Variants in KIF21A observed in about 807,000 individuals in gnomAD.
KIF21A encodes kinesin family member 21A.
KIF21A carries 114 observed loss-of-function variants against 202.9 expected under a neutral mutation model. That is an observed-to-expected ratio of 0.56 (90% CI 0.48 to 0.66). The LOEUF is 0.66. Among genes scored for constraint, KIF21A ranks in the 30% least tolerant of loss-of-function variants. The pLI, the probability that KIF21A is intolerant of heterozygous loss-of-function variation, is 0.00. For missense variants in KIF21A, 1,677 were observed against 1,994.9 expected, an observed-to-expected ratio of 0.84 and a Z score of 3.04; for synonymous variants, 667 against 670.8, an observed-to-expected ratio of 0.99 and a Z score of 0.09.
intron 33 of KIF21A, 101 bp downstream of exon 33, chr12:39,309,485 A>G: frequency 3.5e-6 from 3 of 858,284 alleles, no homozygotes; most frequent in Non-Finnish European, 5.4e-6. Context: ...GTATACAAAA[A>G]TTAAAATGCA....
intron 36 of KIF21A, among the ~76,000 whole-genome samples, chr12:39,302,516 AT>A (rs1316990522): frequency 2.6e-5 from 4 of 152,216 alleles, no homozygotes; most frequent in Non-Finnish European, 4.4e-5. Context: ...CCCAACTATC[AT>A]TTTGTAGGAA....
At chr12:39,318,964 G>A (rs1022076012) in intron 28 of KIF21A, among the ~76,000 whole-genome samples, 1 of 150,314 alleles carries the variant, frequency 6.7e-6, no homozygotes, top group African/African-American at 2.5e-5. Flanking sequence ...CTGGGCAACA[G>A]AGCGAGACTC....
chr12:39,309,159 C>A (rs1381875516), intron 33 of KIF21A, among the ~76,000 whole-genome samples: 2 of 152,140 alleles, frequency 1.3e-5, no homozygotes, highest in Non-Finnish European at 2.9e-5. Context: ...CTCAGCTTTT[C>A]AATCTCTGTT....
chr12:39,358,423 G>T, intron 7 of KIF21A, 50 bp from the exon 8 acceptor site: 1 of 1,481,346 alleles, frequency 6.8e-7, no homozygotes, highest in Non-Finnish European at 9.4e-7. Flanking sequence ...CACCTAAAAT[G>T]CTAAAATAAT....
At chr12:39,305,182 A>G (rs1943335931) in intron 34 of KIF21A, among the ~76,000 whole-genome samples, 3 of 151,876 alleles carry the variant, frequency 2.0e-5, no homozygotes, top group Non-Finnish European at 2.9e-5. Flanking sequence ...CCTGGCCAAC[A>G]TGGTGAAACC....
At chr12:39,340,024 T>C in intron 16 of KIF21A, 141 bp downstream of exon 16, 1 of 691,684 alleles carries the variant, frequency 1.4e-6, no homozygotes, top group Admixed American at 2.9e-5. Flanking sequence ...CAACTTCTAA[T>C]TGCCAAAGGA....
chr12:39,347,873 A>C (rs913896708), intron 11 of KIF21A, among the ~76,000 whole-genome samples: 1 of 152,026 alleles, frequency 6.6e-6, no homozygotes, highest in Admixed American at 6.6e-5. Context: ...ATCCAAAAAT[A>C]TGGGATTTAA....
rs1939883253 is a variant in KIF21A at position 39,443,025 on chromosome 12, G to A, written c.-55C>T. 6.7e-7 allele frequency: 1 copy of A among 1,487,990 alleles called. No individual in the cohort carries two copies. The highest frequency in any genetic ancestry group is 8.9e-7 in the Non-Finnish European group (1 of 1,124,534). 92.2% of individuals were successfully genotyped at this position (1,487,990 alleles called of 1,614,324 possible). A position where few individuals can be genotyped will look rare whatever the true frequency, so the allele number is the denominator to read the frequency against. ...GGCCTCGGCACCGCAGAGCTGAGGCGCCACTGGGGCCGCGGGACTCGGGCG... is the reference window on the plus strand; with the variant it reads ...GGCCTCGGCACCGCAGAGCTGAGGCACCACTGGGGCCGCGGGACTCGGGCG... On this transcript the variant is annotated 5_prime_UTR_variant, in exon 1 of 38. Coordinates refer to ENST00000361418, the MANE Select transcript of KIF21A (RefSeq NM_001173464.2).
intron 1 of KIF21A, among the ~76,000 whole-genome samples, chr12:39,392,353 C>T (rs1265205433): frequency 6.6e-6 from 1 of 152,106 alleles, no homozygotes; most frequent in East Asian, 1.9e-4. Flanking sequence ...CATGCCTCAA[C>T]CATCATTCTC....
intron 1 of KIF21A, among the ~76,000 whole-genome samples, chr12:39,434,757 G>C (rs1938447536): frequency 6.6e-6 from 1 of 152,058 alleles, no homozygotes; most frequent in African/African-American, 2.4e-5. Context: ...GAATACAATT[G>C]AGGCTAGAGA....
At chr12:39,314,683 G>A (rs913140043) in intron 31 of KIF21A, among the ~76,000 whole-genome samples, 1 of 151,680 alleles carries the variant, frequency 6.6e-6, no homozygotes, top group Non-Finnish European at 1.5e-5. Context: ...CAGATTACAA[G>A]CTTTATCCTA....
intron 1 of KIF21A, among the ~76,000 whole-genome samples, chr12:39,414,545 T>C (rs1953380205): frequency 6.6e-6 from 1 of 152,216 alleles, no homozygotes; most frequent in Admixed American, 6.5e-5. Flanking sequence ...ATACACTAGC[T>C]GTTGACAATT....
intron 7 of KIF21A, among the ~76,000 whole-genome samples, chr12:39,362,895 T>A (rs568342699): frequency 3.2e-4 from 49 of 152,274 alleles, no homozygotes; most frequent in African/African-American, 1.1e-3. Context: ...AGAATAATAA[T>A]ACCTACACCT....
chr12:39,421,754 CAT>C (rs1954294835), intron 1 of KIF21A, among the ~76,000 whole-genome samples: 2 of 143,178 alleles, frequency 1.4e-5, no homozygotes, highest in East Asian at 2.0e-4. Context: ...CACATACACA[CAT>C]ATATATTTAT....
chr12:39,439,692 G>T (rs1187924112), intron 1 of KIF21A, among the ~76,000 whole-genome samples: 1 of 152,108 alleles, frequency 6.6e-6, no homozygotes, highest in Non-Finnish European at 1.5e-5. Flanking sequence ...TAGCCACATG[G>T]GGTTGGATAG....
At chr12:39,424,313 T>C (rs1400124956) in intron 1 of KIF21A, among the ~76,000 whole-genome samples, 1 of 152,146 alleles carries the variant, frequency 6.6e-6, no homozygotes, top group East Asian at 1.9e-4. Context: ...TTCTCCAGTA[T>C]CCTTGACTAG....
At position 39,326,255 on chromosome 12, in the gene KIF21A, C is replaced by T. The variant is rs568264423; in HGVS notation, c.3401+9G>A. 6.3e-7 allele frequency: 1 copy of T among 1,588,108 alleles called. No homozygotes were observed. On this transcript the variant is annotated intron_variant, in intron 25 of 37. Coordinates refer to ENST00000361418, the MANE Select transcript of KIF21A (RefSeq NM_001173464.2). ...AAGTCAACTCTATTGTTTCTAAAGGCCTTCTTACCTTCCTTCTGATCCTGG... is the reference window on the plus strand; with the variant it reads ...AAGTCAACTCTATTGTTTCTAAAGGTCTTCTTACCTTCCTTCTGATCCTGG...
chr12:39,426,179 A>T (rs1291518653), intron 1 of KIF21A, among the ~76,000 whole-genome samples: 1 of 152,228 alleles, frequency 6.6e-6, no homozygotes, highest in African/African-American at 2.4e-5. Context: ...TTGTATTCAA[A>T]ATATTTTTAG....
At chr12:39,375,299 G>T (rs1028818267) in intron 1 of KIF21A, among the ~76,000 whole-genome samples, 1 of 152,128 alleles carries the variant, frequency 6.6e-6, no homozygotes, top group Non-Finnish European at 1.5e-5. Flanking sequence ...ATGAAACTTA[G>T]CAAAACTGAG....
Sources: allele counts gnomAD v4.1 joint callset (sites outside exome capture counted in the v4.1 genomes callset), GRCh38; gene constraint gnomAD v4.1.1; transcripts MANE v1.5; gene names NCBI Gene and HGNC (gene_info 2026-07-23, HGNC 2026-07-21).